USH2A: variants seen among roughly 807,000 people sequenced by gnomAD.
USH2A encodes usherin.
USH2A carries 443 observed loss-of-function variants against 538.9 expected under a neutral mutation model. The observed-to-expected ratio is 0.82, with a 90% CI of 0.76 to 0.89. The LOEUF (loss-of-function observed/expected upper bound fraction) is 0.89, where lower values mean the gene tolerates loss of function less well. Ranked by LOEUF, USH2A falls within the 40% of genes least tolerant of loss-of-function variation. USH2A has a pLI of 0.00. For missense variants in USH2A, 6,633 were observed against 6,324.8 expected, an observed-to-expected ratio of 1.05 and a Z score of -1.65; for synonymous variants, 2,413 against 2,273.5, an observed-to-expected ratio of 1.06 and a Z score of -1.75.
chr1:215,745,121 A>T (rs1252686376), intron 58 of USH2A, among the ~76,000 whole-genome samples: 1 of 152,126 alleles, frequency 6.6e-6, no homozygotes, highest in Non-Finnish European at 1.5e-5. Flanking sequence ...TCATAATACC[A>T]TCTTCCCATT....
Position 216,298,882 on chromosome 1 carries a change from C to A in USH2A, c.1645-6512G>T, listed in dbSNP as rs1190245302. ...TTGAGACGGAGTCTCACTCTGTCGC[C>A]CAGGCTGGAGTGCAGTGGCGCAATC... is the stretch of plus-strand genomic sequence containing the variant. On this transcript the variant is annotated intron_variant, in intron 9 of 71. Transcript: ENST00000307340. Among the ~76,000 whole-genome samples, 3 of 151,464 alleles carry A rather than the reference C, an allele frequency of 2.0e-5. No individual in the cohort carries two copies. The East Asian group carries it at 5.8e-4, about 29-fold the overall frequency.
At chr1:216,315,346 G>A (rs1353235441) in intron 9 of USH2A, among the ~76,000 whole-genome samples, 1 of 152,080 alleles carries the variant, frequency 6.6e-6, no homozygotes, top group East Asian at 1.9e-4. Context: ...GCCTATGTAC[G>A]AAAATATTAC....
intron 14 of USH2A, among the ~76,000 whole-genome samples, chr1:216,225,483 A>G (rs549312649): frequency 1.5e-4 from 23 of 152,300 alleles, no homozygotes; most frequent in South Asian, 4.1e-4. Flanking sequence ...AGCATTCCAC[A>G]CGACTGATTT....
chr1:216,353,207 T>C (rs1360723359), intron 4 of USH2A, among the ~76,000 whole-genome samples: 1 of 151,854 alleles, frequency 6.6e-6, no homozygotes, highest in Non-Finnish European at 1.5e-5. Flanking sequence ...GTTAAATCAT[T>C]TGAAGATCCC....
intron 38 of USH2A, among the ~76,000 whole-genome samples, chr1:215,904,571 C>T (rs188507366): frequency 1.6e-4 from 25 of 152,134 alleles, no homozygotes; most frequent in African/African-American, 6.0e-4. Flanking sequence ...GGGAGCCAGC[C>T]ATAATTCCAC....
intron 70 of USH2A, among the ~76,000 whole-genome samples, chr1:215,634,173 GAAGAA>G (rs947426383): frequency 6.6e-6 from 1 of 152,160 alleles, no homozygotes; most frequent in African/African-American, 2.4e-5. Context: ...GTTTTGGAGT[GAAGAA>G]AAGAATACCA....
Position 215,867,166 on chromosome 1 carries a change from T to C in USH2A, c.8686A>G (p.Thr2896Ala). The C allele has an allele frequency of 1.2e-6, 2 of 1,613,982 alleles. No homozygotes were observed. Among genetic ancestry groups the C allele is most frequent in the East Asian group, 2.2e-5 (1 of 44,864 alleles). The change falls in exon 44 of 72, where the codon ACA becomes GCA. Residue 2896 changes from threonine to alanine, a missense_variant. Thr to Ala is a moderately conservative substitution (Grantham distance 58). Transcript: ENST00000307340. The part of the protein sequence containing the change: ...LYEDKGLSRF[T>A]TYEYMLFVHN... ...ACGAAGAGCATATATTCATAGGTTG[T>C]AAACCTAAAATGTTGTTTTGTTAAA...
intron 9 of USH2A, among the ~76,000 whole-genome samples, chr1:216,319,704 T>C (rs1174669079): frequency 6.6e-6 from 1 of 152,208 alleles, no homozygotes; most frequent in Non-Finnish European, 1.5e-5. Context: ...GGAGTGGGAC[T>C]ACGTTTTGAA....
intron 18 of USH2A, among the ~76,000 whole-genome samples, chr1:216,196,944 C>T (rs1293615961): frequency 2.0e-5 from 3 of 152,118 alleles, no homozygotes; most frequent in Non-Finnish European, 4.4e-5. Context: ...CAGCTACTTT[C>T]TACTTGCAAA....
chr1:215,756,278 T>C (rs1408534484), intron 58 of USH2A, among the ~76,000 whole-genome samples: 1 of 152,196 alleles, frequency 6.6e-6, no homozygotes, highest in African/African-American at 2.4e-5. Flanking sequence ...TCCAGGCTTT[T>C]TCATTTCTCT....
At chr1:216,164,105 A>T (rs301759) in intron 21 of USH2A, among the ~76,000 whole-genome samples, 1 of 151,792 alleles carries the variant, frequency 6.6e-6, no homozygotes, top group South Asian at 2.1e-4. Flanking sequence ...GTTAGGAATC[A>T]TTCTTGTGTT....
chr1:215,646,199 A>G lies in USH2A; in HGVS notation c.14791+1323T>C, dbSNP rs146493818. ...GCTGGACCAGCTTCCTTGGCATGTGACCTGTGCTGTTGCAAGGGCCTGTGA... is the reference window on the plus strand; with the variant it reads ...GCTGGACCAGCTTCCTTGGCATGTGGCCTGTGCTGTTGCAAGGGCCTGTGA... On this transcript the variant is annotated intron_variant, in intron 67 of 71. Transcript: ENST00000307340. Among the ~76,000 whole-genome samples, 9 of 152,164 alleles carry G rather than the reference A, an allele frequency of 5.9e-5. No homozygotes were observed. In the East Asian group the frequency reaches 1.7e-3, roughly 29 times the overall value.
intron 30 of USH2A, among the ~76,000 whole-genome samples, chr1:216,057,880 A>T (rs2031033979): frequency 6.6e-6 from 1 of 152,144 alleles, no homozygotes; most frequent in Non-Finnish European, 1.5e-5. Context: ...CCTCAGTAAA[A>T]TAAAAACACT....
At chr1:216,370,677 CAAAA>C (rs58845914) in intron 3 of USH2A, among the ~76,000 whole-genome samples, 1,590 of 29,920 alleles carry the variant, frequency 0.053, 35 homozygotes, top group African/African-American at 0.16. Flanking sequence ...GACTCTGTCT[CAAAA>C]AAAAAAAAAA....
rs182641567 is a variant in USH2A at position 215,647,840 on chromosome 1, A to G, written c.14583-110T>C. 1.0e-3 allele frequency: 1,308 copies of G among 1,268,232 alleles called. 7 individuals are homozygous for G. The African/African-American group carries it at 0.017, about 16-fold the overall frequency. 78.6% of individuals were successfully genotyped at this position (1,268,232 alleles called of 1,614,324 possible). A position where few individuals can be genotyped will look rare whatever the true frequency, so the allele number is the denominator to read the frequency against. ...GGAGACATTTTGTTTTCACAGAGCTACAGGCTCTTTAAAATTTCCATTTGC... is the reference window on the plus strand; with the variant it reads ...GGAGACATTTTGTTTTCACAGAGCTGCAGGCTCTTTAAAATTTCCATTTGC... On this transcript the variant is annotated intron_variant, in intron 66 of 71. Coordinates refer to ENST00000307340, the MANE Select transcript of USH2A (RefSeq NM_206933.4).
At chr1:216,061,745 A>T (rs924064906) in intron 30 of USH2A, among the ~76,000 whole-genome samples, 18 of 152,336 alleles carry the variant, frequency 1.2e-4, no homozygotes, top group African/African-American at 4.3e-4. Flanking sequence ...CCAAAGTTTT[A>T]TAAATACCTA....
chr1:216,188,209 G>C (rs1339614851), intron 20 of USH2A, among the ~76,000 whole-genome samples: 1 of 151,758 alleles, frequency 6.6e-6, no homozygotes, highest in Non-Finnish European at 1.5e-5. Context: ...TTTTGCCACT[G>C]CAACCAATGA....
intron 15 of USH2A, 108 bp downstream of exon 15, chr1:216,217,279 T>A: frequency 7.1e-7 from 1 of 1,416,188 alleles, no homozygotes; most frequent in Non-Finnish European, 9.8e-7. Context: ...GTTCTTCACA[T>A]TGTACTAAGC....
At chr1:216,026,889 G>A (rs1009795359) in intron 32 of USH2A, among the ~76,000 whole-genome samples, 1 of 152,070 alleles carries the variant, frequency 6.6e-6, no homozygotes, top group African/African-American at 2.4e-5. Flanking sequence ...CCTCATTATC[G>A]TACTCAATAA....
Sources: gnomAD v4.1 joint callset for allele counts (sites outside exome capture counted in the v4.1 genomes callset) on GRCh38, gnomAD v4.1.1 for gene constraint, MANE v1.5 for transcripts, NCBI Gene and HGNC (gene_info 2026-07-23, HGNC 2026-07-21) for gene names.